PSMG2: variants seen among roughly 807,000 people sequenced by gnomAD.
PSMG2 encodes the protein proteasome assembly chaperone 2.
A neutral mutation model predicts 31.5 loss-of-function variants in PSMG2; 21 were observed. The ratio of observed to expected loss-of-function variants is 0.67; its 90% CI spans 0.47 to 0.96. The LOEUF (loss-of-function observed/expected upper bound fraction) is 0.96, where lower values mean the gene tolerates loss of function less well. Ranked by LOEUF, PSMG2 falls within the 40% of genes least tolerant of loss-of-function variation. The pLI is 0.00. For missense variants in PSMG2, 318 were observed against 321.2 expected (o/e 0.99, Z 0.08); for synonymous variants, 120 against 110.4 (o/e 1.09, Z -0.54).
At chr18:12,678,216 T>C in intron 1 of PSMG2, 1 of 1,614,176 alleles carries the variant, frequency 6.2e-7, no homozygotes, top group Non-Finnish European at 8.5e-7. Context: ...GGAAGGGATG[T>C]TGTAGCTCCA....
chr18:12,671,710 G>A (rs1489211107), intron 1 of PSMG2, among the ~76,000 whole-genome samples: 2 of 136,954 alleles, frequency 1.5e-5, no homozygotes, highest in South Asian at 2.3e-4. Context: ...ATGCAGTGAC[G>A]CGATCTTAGC....
At chr18:12,715,236 T>C (rs1461472851) in intron 3 of PSMG2, among the ~76,000 whole-genome samples, 1 of 152,040 alleles carries the variant, frequency 6.6e-6, no homozygotes, top group Non-Finnish European at 1.5e-5. Context: ...CTCAAACTCT[T>C]GACCTCAGGT....
intron 3 of PSMG2, among the ~76,000 whole-genome samples, chr18:12,716,410 T>G (rs958101859): frequency 1.3e-5 from 2 of 151,196 alleles, no homozygotes; most frequent in South Asian, 4.2e-4. Flanking sequence ...TTTTTTTTTT[T>G]TGAGACGGAG....
At chr18:12,711,840 G>GC (rs1280910754) in intron 2 of PSMG2, among the ~76,000 whole-genome samples, 1 of 138,970 alleles carries the variant, frequency 7.2e-6, no homozygotes, top group Non-Finnish European at 1.5e-5. Flanking sequence ...TGCAAGCTCC[G>GC]CCCCCCGGGT....
chr18:12,680,810 C>A, intron 1 of PSMG2: 8 of 1,610,360 alleles, frequency 5.0e-6, no homozygotes, highest in Non-Finnish European at 6.8e-6. Flanking sequence ...AGAAGGTTAG[C>A]GTGATCTTCA....
chr18:12,681,333 A>G (rs1417782348), intron 1 of PSMG2, among the ~76,000 whole-genome samples: 5 of 141,128 alleles, frequency 3.5e-5, no homozygotes, highest in Non-Finnish European at 6.0e-5. Context: ...AGCAGCCTTG[A>G]CCTCCTGGGC....
intron 1 of PSMG2, among the ~76,000 whole-genome samples, chr18:12,690,215 C>T (rs2039702265): frequency 6.6e-6 from 1 of 152,184 alleles, no homozygotes; most frequent in African/African-American, 2.4e-5. Context: ...CCCTTATTCC[C>T]ACCTCTAGTC....
chr18:12,721,121 A>G (rs903547660), intron 5 of PSMG2, among the ~76,000 whole-genome samples: 3 of 152,128 alleles, frequency 2.0e-5, no homozygotes, highest in Admixed American at 6.5e-5. Flanking sequence ...CGGAGTTTGC[A>G]GTGAGCCGAG....
intron 2 of PSMG2, among the ~76,000 whole-genome samples, chr18:12,712,206 TC>T (rs1489612211): frequency 2.0e-5 from 3 of 152,204 alleles, no homozygotes; most frequent in Admixed American, 6.6e-5. Context: ...TTATTTCAGA[TC>T]CTTTAAAAAG....
chr18:12,702,716 C>T (rs1325848152), upstream of PSMG2: 1 of 714,950 alleles, frequency 1.4e-6, no homozygotes, highest in Admixed American at 3.2e-5. Context: ...GGGGGCTGAC[C>T]TGGAAATGAG....
At chr18:12,701,946 T>C (rs1010938879), upstream of PSMG2, among the ~76,000 whole-genome samples, 1 of 151,870 alleles carries the variant, frequency 6.6e-6, no homozygotes, top group Non-Finnish European at 1.5e-5. Context: ...CACACCAACA[T>C]GGTGAAACCG....
intron 1 of PSMG2, among the ~76,000 whole-genome samples, chr18:12,672,410 C>T (rs1021634581): frequency 2.0e-5 from 3 of 152,144 alleles, no homozygotes; most frequent in Non-Finnish European, 4.4e-5. Context: ...ACCACTACGC[C>T]GAGCCTTACA....
chr18:12,724,786 T>A, intron 6 of PSMG2, 167 bp downstream of exon 6: 1 of 674,426 alleles, frequency 1.5e-6, no homozygotes, highest in Non-Finnish European at 2.1e-6. Context: ...AGAGGACAGT[T>A]AACCAACCTA....
chr18:12,701,187 C>G, upstream of PSMG2: 1 of 1,074,736 alleles, frequency 9.3e-7, no homozygotes, highest in East Asian at 2.4e-5. Flanking sequence ...TTTTAAGGTT[C>G]TCCAGCTAAC....
chr18:12,678,542 T>C (rs1417436260), intron 1 of PSMG2: 1 of 717,512 alleles, frequency 1.4e-6, no homozygotes, highest in Non-Finnish European at 2.3e-6. Context: ...TAACTACTTC[T>C]CAGAACTACA....
chr18:12,721,296 C>A (rs892181938), intron 5 of PSMG2, among the ~76,000 whole-genome samples: 2 of 152,146 alleles, frequency 1.3e-5, no homozygotes, highest in African/African-American at 2.4e-5. Flanking sequence ...ATATTTAATG[C>A]TTTTATTTTG....
In PSMG2 at chr18:12,712,773, T is replaced by G; in HGVS notation, c.288+13T>G. ...CATTTTTATTAAGGTTAGTATGTTG[T>G]AGTTTGCCTTTTTGTTTATTAAAGT... On this transcript the variant is annotated intron_variant, in intron 3 of 6. Coordinates refer to ENST00000317615, the MANE Select transcript of PSMG2 (RefSeq NM_020232.5). The G allele has an allele frequency of 6.3e-7, 1 of 1,589,224 alleles. No homozygotes were observed. Among genetic ancestry groups the G allele is most frequent in the South Asian group, 1.1e-5 (1 of 87,742 alleles).
rs1484176915 is a variant in PSMG2 at position 12,682,252 on chromosome 18, C to T, written c.-37+23479C>T. Among the ~76,000 whole-genome samples, 5 of 151,838 alleles carry T rather than the reference C, an allele frequency of 3.3e-5. 1 individual carries two copies. In the East Asian group the frequency reaches 7.7e-4, roughly 23 times the overall value. ...TGATCTCAGCTCAATGCTGCCTTGA[C>T]GTCCTCAGCTCACTGCAGCCTTGAT... On this transcript the variant is annotated intron_variant, in intron 1 of 6. Coordinates refer to the PSMG2 transcript ENST00000585331.
chr18:12,674,812 T>G (rs771253766), intron 1 of PSMG2: 71 of 1,060,598 alleles, frequency 6.7e-5, no homozygotes, highest in Non-Finnish European at 9.1e-5. Context: ...TAAAACCAAC[T>G]AAATAAAAAT....
Sources: gnomAD v4.1 joint callset for allele counts (sites outside exome capture counted in the v4.1 genomes callset) on GRCh38, gnomAD v4.1.1 for gene constraint, MANE v1.5 for transcripts, NCBI Gene and HGNC (gene_info 2026-07-23, HGNC 2026-07-21) for gene names.